The following APP variants were observed in gnomAD, a reference collection of about 807,000 sequenced individuals.
APP encodes the protein amyloid beta precursor protein.
A neutral mutation model predicts 101.4 loss-of-function variants in APP; 31 were observed. That is an observed-to-expected ratio of 0.31 (90% CI 0.23 to 0.41). The LOEUF (loss-of-function observed/expected upper bound fraction) is 0.41, where lower values mean the gene tolerates loss of function less well. Ranked by LOEUF, APP falls within the 10% of genes least tolerant of loss-of-function variation. The pLI is 1.00. For synonymous variants in APP, 366 were observed against 364.4 expected, an observed-to-expected ratio of 1.00 and a Z score of -0.05; for missense variants, 839 against 1,003.7, an observed-to-expected ratio of 0.84 and a Z score of 2.22.
At chr21:26,112,250 TCTCAATTAGG>T in intron 1 of APP, 104 bp from the exon 2 acceptor site, 1 of 1,256,986 alleles carries the variant, frequency 8.0e-7, no homozygotes, top group South Asian at 1.2e-5. Context: ...TCTTGCTCAT[TCTCAATTAGG>T]AATCAGCCCG....
At chr21:26,162,209 G>A (rs772788590) in intron 1 of APP, among the ~76,000 whole-genome samples, 2 of 152,156 alleles carry the variant, frequency 1.3e-5, no homozygotes, top group Non-Finnish European at 2.9e-5. Flanking sequence ...CATGCCTGTA[G>A]TCCCAGCTAC....
At chr21:25,914,620 C>G in intron 13 of APP, among the ~76,000 whole-genome samples, 1 of 138,330 alleles carries the variant, frequency 7.2e-6, no homozygotes, top group South Asian at 2.4e-4. Flanking sequence ...GTGGCGCAAT[C>G]TCGGCTCACT....
Position 26,004,834 on chromosome 21 carries a change from G to T in APP, c.866-4652C>A, listed in dbSNP as rs972248647. 3.5e-4 allele frequency among the ~76,000 whole-genome samples: 45 copies of T among 127,732 alleles called. 1 individual carries two copies. The highest frequency in any genetic ancestry group is 4.4e-3 in the Middle Eastern group (1 of 226). The allele number at this position is 127,732 out of a possible 152,430, so 83.8% of individuals were successfully genotyped here. On this transcript the variant is annotated intron_variant, in intron 6 of 17. Coordinates refer to ENST00000346798, the MANE Select transcript of APP (RefSeq NM_000484.4). ...ACCCCCCCAACAGGCCCTGGTGTGT[G>T]ATGTTCCCCGCCCTGTGTCCAAGTG...
In APP at chr21:26,114,694, A is replaced by AT. The variant is rs201387107; in HGVS notation, c.58-2549dup. On this transcript the variant is annotated intron_variant, in intron 1 of 17. Transcript: ENST00000346798. ...ACCTGACAAACCAAGTAAATGCTTC[A>AT]TTTTTTTTTCCTCTTTTGACTTAAC... Among the ~76,000 whole-genome samples the AT allele has an allele frequency of 2.7e-3, 414 of 150,588 alleles. 2 individuals carry two copies. Among genetic ancestry groups the AT allele is most frequent in the African/African-American group, 8.7e-3 (357 of 40,988 alleles).
At chr21:26,074,844 G>T (rs1444007419) in intron 3 of APP, among the ~76,000 whole-genome samples, 1 of 152,132 alleles carries the variant, frequency 6.6e-6, no homozygotes, top group East Asian at 1.9e-4. Context: ...TCTAAACACA[G>T]ATGCCTCTGA....
intron 5 of APP, among the ~76,000 whole-genome samples, chr21:26,038,248 C>T (rs2045210821): frequency 1.4e-5 from 2 of 141,814 alleles, no homozygotes; most frequent in African/African-American, 4.9e-5. Flanking sequence ...TAATAATGTT[C>T]TCAACCTTAT....
intron 5 of APP, among the ~76,000 whole-genome samples, chr21:26,047,986 TG>T (rs1168448385): frequency 6.6e-6 from 1 of 152,194 alleles, no homozygotes; most frequent in Non-Finnish European, 1.5e-5. Context: ...TAAATTCACC[TG>T]TTTCTTTTTA....
At chr21:25,948,157 T>G (rs553497311) in intron 13 of APP, among the ~76,000 whole-genome samples, 1 of 132,954 alleles carries the variant, frequency 7.5e-6, no homozygotes, top group Non-Finnish European at 1.5e-5. Flanking sequence ...TATTTGCTGT[T>G]ATGATTTTTT....
upstream of APP, chr21:26,170,857 C>G: frequency 2.3e-6 from 1 of 426,088 alleles, no homozygotes; most frequent in South Asian, 5.2e-5. Flanking sequence ...AGACCCCTAG[C>G]GGCGCCGCCG....
chr21:26,086,575 C>T (rs867895428), intron 3 of APP, among the ~76,000 whole-genome samples: 1 of 131,384 alleles, frequency 7.6e-6, no homozygotes, highest in Non-Finnish European at 1.7e-5. Context: ...AAAAAAAAAA[C>T]TCTTGTCTAA....
At chr21:26,022,099 A>C in intron 5 of APP, 57 bp from the exon 6 acceptor site, 1 of 1,590,216 alleles carries the variant, frequency 6.3e-7, no homozygotes, top group Non-Finnish European at 8.6e-7. Flanking sequence ...TCAGGGAAGG[A>C]AAAGAAAAGT....
intron 11 of APP, among the ~76,000 whole-genome samples, chr21:25,966,491 T>C (rs932038370): frequency 4.6e-5 from 7 of 152,234 alleles, no homozygotes; most frequent in African/African-American, 1.7e-4. Context: ...AATTCCATTC[T>C]GATTAGCTTC....
intron 2 of APP, among the ~76,000 whole-genome samples, chr21:26,106,591 T>C (rs1161750285): frequency 6.6e-6 from 1 of 151,560 alleles, no homozygotes; most frequent in African/African-American, 2.4e-5. Context: ...GCCCAAGCGA[T>C]CCTCTCACTC....
rs559370304 is a variant in APP at position 26,162,067 on chromosome 21, C to T, written c.57+8497G>A. 2.6e-5 allele frequency among the ~76,000 whole-genome samples: 4 copies of T among 152,308 alleles called. No individual in the cohort carries two copies. In the South Asian group the frequency reaches 8.3e-4, roughly 32 times the overall value. Reference sequence around the variant, plus strand: ...CATTGGCCAGGCACAATAGCTCACACCTGTAATCTAGCACTTTGGAAGGTC... The same window carrying T: ...CATTGGCCAGGCACAATAGCTCACATCTGTAATCTAGCACTTTGGAAGGTC... On this transcript the variant is annotated intron_variant, in intron 1 of 17. Coordinates refer to ENST00000346798, the MANE Select transcript of APP (RefSeq NM_000484.4).
At chr21:25,893,804 C>G (rs1281746588) in intron 16 of APP, among the ~76,000 whole-genome samples, 2 of 152,178 alleles carry the variant, frequency 1.3e-5, no homozygotes, top group Non-Finnish European at 2.9e-5. Context: ...AGATAAGACT[C>G]CTGATGAAGG....
At chr21:25,936,858 T>C (rs1047655053) in intron 13 of APP, among the ~76,000 whole-genome samples, 8 of 152,198 alleles carry the variant, frequency 5.3e-5, no homozygotes, top group Non-Finnish European at 1.0e-4. Flanking sequence ...GGATTCTGTT[T>C]TCTTTCTTTC....
chr21:25,926,076 G>T (rs1182616090), intron 13 of APP, among the ~76,000 whole-genome samples: 1 of 152,200 alleles, frequency 6.6e-6, no homozygotes, highest in Non-Finnish European at 1.5e-5. Context: ...GTCATGCCTT[G>T]AAGTTTCTTA....
intron 17 of APP, 39 bp from the exon 18 acceptor site, chr21:25,881,810 C>A: frequency 6.3e-7 from 1 of 1,588,480 alleles, no homozygotes; most frequent in South Asian, 1.1e-5. Context: ...AAATAAAAAT[C>A]AATCTTTTAA....
intron 11 of APP, among the ~76,000 whole-genome samples, chr21:25,957,047 G>A (rs1232963716): frequency 6.6e-6 from 1 of 152,174 alleles, no homozygotes; most frequent in Non-Finnish European, 1.5e-5. Flanking sequence ...GTGAATGCCT[G>A]CCACAGAGGC....
Sources: allele counts gnomAD v4.1 joint callset (sites outside exome capture counted in the v4.1 genomes callset), GRCh38; gene constraint gnomAD v4.1.1; transcripts MANE v1.5; gene names NCBI Gene and HGNC (gene_info 2026-07-23, HGNC 2026-07-21).